Variants in SMARCA4 observed in about 807,000 individuals in gnomAD.
SMARCA4 encodes the protein SWI/SNF-related matrix-associated actin-dependent regulator of chromatin subfamily A member 4.
In SMARCA4, 31 loss-of-function variants were observed where a neutral mutation model predicts 193.9. The observed-to-expected ratio is 0.16, with a 90% confidence interval of 0.12 to 0.22. The LOEUF (loss-of-function observed/expected upper bound fraction) is 0.22. Among genes scored for constraint, SMARCA4 ranks in the 10% least tolerant of loss-of-function variants. The pLI, the probability that SMARCA4 is intolerant of heterozygous loss-of-function variation, is 1.00. For synonymous variants in SMARCA4, 942 were observed against 933.1 expected (o/e 1.01, Z -0.17); for missense variants, 1,148 against 2,296.0 (o/e 0.50, Z 10.22).
rs2086083952 is a variant in SMARCA4, at chr19:10,986,775, C to T, written c.761-130C>T. ...GCTAAATGCTGCTTCCCCAGCTCCCCGCTTCCCCTGGGGCCGCTGGTTAAT... is the reference window on the plus strand; with the variant it reads ...GCTAAATGCTGCTTCCCCAGCTCCCTGCTTCCCCTGGGGCCGCTGGTTAAT... On this transcript the variant is annotated intron_variant, in intron 4 of 34. Coordinates refer to ENST00000344626, the MANE Select transcript of SMARCA4 (RefSeq NM_003072.5). The surrounding 1 kb of genome is among the most constrained non-coding windows in gnomAD (Gnocchi z 6.7). The T allele has an allele frequency of 1.3e-5, 16 of 1,222,288 alleles. No homozygotes were observed. Among genetic ancestry groups the T allele is most frequent in the East Asian group, 1.2e-4 (5 of 40,802 alleles). 75.7% of individuals were successfully genotyped at this position (1,222,288 alleles called of 1,614,324 possible). A position where few individuals can be genotyped will look rare whatever the true frequency, so the allele number is the denominator to read the frequency against.
intron 8 of SMARCA4, 73 bp downstream of exon 8, chr19:10,991,396 G>C: frequency 6.5e-7 from 1 of 1,546,462 alleles, no homozygotes; most frequent in South Asian, 1.2e-5. Context: ...GTTGCCACGG[G>C]GCTGTGTTTG....
chr19:11,039,675 TATA>T (rs1177023368), intron 29 of SMARCA4: 5 of 462,364 alleles, frequency 1.1e-5, no homozygotes, highest in African/African-American at 2.0e-5. Flanking sequence ...ATATATGATT[TATA>T]ATATATTTTT....
At chr19:11,009,687 C>CTTTT (rs1275036196) in intron 14 of SMARCA4, among the ~76,000 whole-genome samples, 1 of 126,374 alleles carries the variant, frequency 7.9e-6, no homozygotes. Context: ...GCCCGGCTAA[C>CTTTT]TTTTTTTTTT....
chr19:11,026,477 C>CCAAAG (rs2090267367), intron 23 of SMARCA4, 131 bp downstream of exon 23: 1 of 695,386 alleles, frequency 1.4e-6, no homozygotes, highest in African/African-American at 1.8e-5. Flanking sequence ...ACAGAAGAAT[C>CCAAAG]CAAAGCAAAT....
At position 10,986,288 on chromosome 19, in the gene SMARCA4, C is replaced by T. The variant is rs777272957; in HGVS notation, c.455C>T (p.Ala152Val). 6.2e-7 allele frequency: 1 copy of T among 1,613,760 alleles called. No homozygotes were observed. The highest frequency in any genetic ancestry group is 1.1e-5 in the South Asian group (1 of 91,080). Residue 152 changes from alanine to valine, a missense_variant, in exon 4 of 35, where the codon GCC becomes GTC. By Grantham distance (64) the Ala-to-Val change is moderately conservative. Transcript: ENST00000344626. This position sits in a 1 kb window ranked among gnomAD's most constrained non-coding sequence, Gnocchi z 6.7. ...CAGATGTCTTCCGGGCCAGGAGGTGCCCCGCTGGATGGTGCTGACCCCCAG... is the reference window on the plus strand; with the variant it reads ...CAGATGTCTTCCGGGCCAGGAGGTGTCCCGCTGGATGGTGCTGACCCCCAG... ...GPQMSSGPGG[A>V]PLDGADPQAL... is the part of the protein sequence containing the mutation.
chr19:10,986,168 T>C lies in SMARCA4; in HGVS notation c.356-21T>C, dbSNP rs1291816002. The C allele has an allele frequency of 4.4e-6, 7 of 1,595,640 alleles. No individual in the cohort carries two copies. In the East Asian group the frequency reaches 6.7e-5, roughly 15 times the overall value. On this transcript the variant is annotated intron_variant, in intron 3 of 34. Coordinates refer to ENST00000344626, the MANE Select transcript of SMARCA4 (RefSeq NM_003072.5). This position sits in a 1 kb window ranked among gnomAD's most constrained non-coding sequence, Gnocchi z 6.7. ...CAGACATATGCTGCCGAGTGACCAG[T>C]GGGCTGACCTTTCTCTGCAGGTTAC...
intron 1 of SMARCA4, among the ~76,000 whole-genome samples, chr19:10,972,006 A>G (rs2084716625): frequency 6.9e-6 from 1 of 144,276 alleles, no homozygotes; most frequent in Non-Finnish European, 1.5e-5. Flanking sequence ...CCCAGGCTTG[A>G]GTGCAGTGGC....
At chr19:11,003,230 G>A (rs2146102980) in intron 12 of SMARCA4, 71 bp downstream of exon 12, 1 of 1,607,640 alleles carries the variant, frequency 6.2e-7, no homozygotes, top group Non-Finnish European at 8.5e-7. Flanking sequence ...CAGGGAGGTG[G>A]CAGCCAGGAG....
intron 13 of SMARCA4, among the ~76,000 whole-genome samples, chr19:11,005,509 G>A (rs1184069653): frequency 6.6e-6 from 1 of 152,108 alleles, no homozygotes; most frequent in African/African-American, 2.4e-5. Context: ...GGCCATTGTC[G>A]GGTTCTCCCT....
intron 11 of SMARCA4, among the ~76,000 whole-genome samples, chr19:10,998,132 C>A (rs965196572): frequency 1.3e-5 from 2 of 152,156 alleles, no homozygotes; most frequent in African/African-American, 4.8e-5. Flanking sequence ...AGTGATCCTC[C>A]CACCTCGGCC....
At chr19:11,017,118 C>T (rs575654612) in intron 16 of SMARCA4, among the ~76,000 whole-genome samples, 18 of 152,332 alleles carry the variant, frequency 1.2e-4, no homozygotes, top group Admixed American at 3.3e-4. Flanking sequence ...CTGTGTTAAG[C>T]TGAACGTGAG....
intron 22 of SMARCA4, 28 bp downstream of exon 22, chr19:11,025,536 A>G (rs2146500171): frequency 1.3e-6 from 2 of 1,565,454 alleles, no homozygotes; most frequent in East Asian, 2.2e-5. Context: ...GGGACGGCTC[A>G]GGCCCTGCTG....
intron 1 of SMARCA4, among the ~76,000 whole-genome samples, chr19:10,967,737 T>C (rs897557976): frequency 5.5e-5 from 8 of 144,906 alleles, no homozygotes; most frequent in South Asian, 2.2e-4. Context: ...CAGGCTGGAG[T>C]GCAGCGGTGT....
chr19:10,978,660 A>C (rs1297862490), intron 1 of SMARCA4, among the ~76,000 whole-genome samples: 1 of 151,354 alleles, frequency 6.6e-6, no homozygotes, highest in East Asian at 2.0e-4. Context: ...GATACCGGCC[A>C]CATATGTGGT....
intron 1 of SMARCA4, among the ~76,000 whole-genome samples, chr19:10,969,736 T>C (rs2084528195): frequency 6.6e-6 from 1 of 152,152 alleles, no homozygotes. Flanking sequence ...GGCCCCCTTT[T>C]TATGTTTCTA....
intron 13 of SMARCA4, among the ~76,000 whole-genome samples, chr19:11,007,264 T>TA (rs2088312360): frequency 6.6e-6 from 1 of 152,014 alleles, no homozygotes; most frequent in African/African-American, 2.4e-5. Context: ...ACCCCGTCTC[T>TA]ACTAAAAATA....
At chr19:10,998,879 C>T (rs1429896215) in intron 11 of SMARCA4, among the ~76,000 whole-genome samples, 1 of 151,670 alleles carries the variant, frequency 6.6e-6, no homozygotes, top group East Asian at 1.9e-4. Context: ...ACTCTTTCTC[C>T]AGGGAGTCCT....
intron 29 of SMARCA4, chr19:11,039,734 A>C (rs2075475759): frequency 5.1e-6 from 2 of 395,116 alleles, no homozygotes; most frequent in Non-Finnish European, 8.9e-6. Flanking sequence ...AGATCACTTG[A>C]GCCCAGGAGT....
chr19:11,012,933 G>C lies in SMARCA4; in HGVS notation c.2275-16G>C, dbSNP rs372868649. On this transcript the variant is annotated splice_polypyrimidine_tract_variant and intron_variant, in intron 15 of 34. Coordinates refer to ENST00000344626, the MANE Select transcript of SMARCA4 (RefSeq NM_003072.5). ...CCCGGCCTTCAGTCCTGGCGTGGCC[G>C]CATCTGTCCTTGCAGATCAAAGGTT... 6.2e-7 allele frequency: 1 copy of C among 1,613,848 alleles called. No homozygotes were observed. The highest frequency in any genetic ancestry group is 8.5e-7 in the Non-Finnish European group (1 of 1,179,806).
Sources: allele counts gnomAD v4.1 joint callset (sites outside exome capture counted in the v4.1 genomes callset), GRCh38; gene constraint gnomAD v4.1.1; non-coding constraint Gnocchi (gnomAD v3.1); transcripts MANE v1.5; gene names NCBI Gene and HGNC (gene_info 2026-07-23, HGNC 2026-07-21).